Variants in NALF1 observed in about 807,000 individuals in gnomAD.
NALF1 encodes the protein NALCN channel auxiliary factor 1.
In NALF1, 3 loss-of-function variants were observed where a neutral mutation model predicts 48.4. That is an observed-to-expected ratio of 0.06 (90% CI 0.03 to 0.16). NALF1 has a LOEUF of 0.16. NALF1 is among the 10% of genes least tolerant of loss of function. The pLI is 1.00. For missense variants in NALF1, 526 were observed against 571.5 expected (o/e 0.92, Z 0.81); for synonymous variants, 262 against 245.7 (o/e 1.07, Z -0.62).
intron 1 of NALF1, among the ~76,000 whole-genome samples, chr13:107,543,982 T>A (rs1264749625): frequency 2.6e-5 from 4 of 152,072 alleles, no homozygotes; most frequent in African/African-American, 7.2e-5. Flanking sequence ...ATAACCAATT[T>A]TTTAAAAAAT....
rs1377953309 is a variant in NALF1 at position 107,370,462 on chromosome 13, C to T, written c.916-159707G>A. Among the ~76,000 whole-genome samples the T allele has an allele frequency of 3.3e-5, 5 of 152,310 alleles. No homozygotes were observed. In the East Asian group the frequency reaches 7.7e-4, roughly 24 times the overall value. On this transcript the variant is annotated intron_variant, in intron 1 of 2. Coordinates refer to ENST00000375915, the MANE Select transcript of NALF1 (RefSeq NM_001080396.3). ...TAAATCAGTAGACCCTGGACCACTC[C>T]AGAGCCAAAATCTGTCCTGGGTGGT...
chr13:107,266,922 A>G (rs776128355), intron 1 of NALF1, among the ~76,000 whole-genome samples: 55 of 152,154 alleles, frequency 3.6e-4, no homozygotes, highest in Admixed American at 9.8e-4. Flanking sequence ...TGGGATGTAC[A>G]GTACAGCCTG....
intron 1 of NALF1, among the ~76,000 whole-genome samples, chr13:107,439,911 T>C (rs1884528345): frequency 6.6e-6 from 1 of 152,196 alleles, no homozygotes; most frequent in South Asian, 2.1e-4. Context: ...CTTGGCTGCA[T>C]TATTCTTTAA....
At chr13:107,367,566 T>C (rs1346311016) in intron 1 of NALF1, among the ~76,000 whole-genome samples, 1 of 152,164 alleles carries the variant, frequency 6.6e-6, no homozygotes, top group African/African-American at 2.4e-5. Flanking sequence ...TTGCTCCACG[T>C]GGAAGCAGGA....
intron 2 of NALF1, among the ~76,000 whole-genome samples, chr13:107,178,312 G>A (rs902639227): frequency 6.6e-6 from 1 of 152,148 alleles, no homozygotes; most frequent in African/African-American, 2.4e-5. Context: ...CATTTGGAAA[G>A]GGCTTAATAA....
intron 1 of NALF1, among the ~76,000 whole-genome samples, chr13:107,613,651 T>C (rs1163561140): frequency 6.6e-6 from 1 of 152,240 alleles, no homozygotes; most frequent in Non-Finnish European, 1.5e-5. Context: ...CACTACTTTA[T>C]CTGTGTGCCT....
At chr13:107,246,443 CGTAGA>C (rs1880587393) in intron 1 of NALF1, among the ~76,000 whole-genome samples, 1 of 152,098 alleles carries the variant, frequency 6.6e-6, no homozygotes, top group Admixed American at 6.5e-5. Flanking sequence ...TGTTAAGGAA[CGTAGA>C]GTAATTTTAT....
chr13:107,687,573 G>A (rs1036054541), intron 1 of NALF1, among the ~76,000 whole-genome samples: 1 of 151,832 alleles, frequency 6.6e-6, no homozygotes, highest in African/African-American at 2.4e-5. Context: ...GAAGTGTAGG[G>A]AAATTAATTA....
At chr13:107,747,569 A>G (rs1278282350) in intron 1 of NALF1, among the ~76,000 whole-genome samples, 1 of 152,174 alleles carries the variant, frequency 6.6e-6, no homozygotes, top group South Asian at 2.1e-4. Context: ...GTGTAAATCT[A>G]ATGTTTGACA....
chr13:107,627,112 G>A (rs994133412), intron 1 of NALF1, among the ~76,000 whole-genome samples: 1 of 139,258 alleles, frequency 7.2e-6, no homozygotes, highest in Non-Finnish European at 1.6e-5. Context: ...GGGGATTTTT[G>A]TCCCTTGTGG....
chr13:107,834,923 C>A (rs1267653444), intron 1 of NALF1, among the ~76,000 whole-genome samples: 1 of 152,054 alleles, frequency 6.6e-6, no homozygotes. Context: ...GCAAATGGCA[C>A]AGAGGAGGGA....
chr13:107,856,148 C>G (rs1473976276), intron 1 of NALF1, among the ~76,000 whole-genome samples: 1 of 152,176 alleles, frequency 6.6e-6, no homozygotes, highest in Non-Finnish European at 1.5e-5. Context: ...CTCAAGCGAT[C>G]CTCCTGTCTT....
At chr13:107,635,423 C>G (rs1181309674) in intron 1 of NALF1, among the ~76,000 whole-genome samples, 1 of 152,020 alleles carries the variant, frequency 6.6e-6, no homozygotes, top group Non-Finnish European at 1.5e-5. Context: ...ATCATGAGAA[C>G]AGCAACATAG....
intron 1 of NALF1, among the ~76,000 whole-genome samples, chr13:107,284,931 A>T (rs1325146442): frequency 2.0e-5 from 3 of 151,098 alleles, no homozygotes; most frequent in African/African-American, 7.3e-5. Flanking sequence ...TGATAGATTG[A>T]CTTGACTAAT....
chr13:107,453,905 T>C lies in NALF1; in HGVS notation c.916-243150A>G, dbSNP rs75534526. On this transcript the variant is annotated intron_variant, in intron 1 of 2. Coordinates refer to ENST00000375915, the MANE Select transcript of NALF1 (RefSeq NM_001080396.3). ...TTCTCTCACAAGATACCCTAAATCA[T>C]CTTTCTCAAGTTCAAATTTCCTCGG... Among the ~76,000 whole-genome samples, 1,058 of 152,300 alleles carry C rather than the reference T, an allele frequency of 6.9e-3. 36 individuals carry two copies. The East Asian group carries it at 0.11, about 16-fold the overall frequency.
chr13:107,659,816 CTT>C (rs71121542), intron 1 of NALF1, among the ~76,000 whole-genome samples: 63 of 146,018 alleles, frequency 4.3e-4, no homozygotes, highest in South Asian at 1.7e-3. Flanking sequence ...CAAACATTTT[CTT>C]TTTTTTTTTT....
At chr13:107,601,200 A>G (rs1878914917) in intron 1 of NALF1, among the ~76,000 whole-genome samples, 2 of 152,142 alleles carry the variant, frequency 1.3e-5, no homozygotes, top group Non-Finnish European at 1.5e-5. Flanking sequence ...AGAAACCCAC[A>G]AGGAGTCTAA....
rs540284534 is a variant in NALF1, at chr13:107,397,493, AC to A, written c.916-186739del. ...CATGAATTACATATACTATCAACCA[AC>A]AAAAATGATTGGCGGGCACATCTTG... On this transcript the variant is annotated intron_variant, in intron 1 of 2. Transcript: ENST00000375915. Among the ~76,000 whole-genome samples the A allele has an allele frequency of 2.0e-4, 30 of 152,250 alleles. No homozygotes were observed. The South Asian group carries it at 6.0e-3, about 30-fold the overall frequency.
At chr13:107,382,731 T>C (rs1345881045) in intron 1 of NALF1, among the ~76,000 whole-genome samples, 1 of 152,178 alleles carries the variant, frequency 6.6e-6, no homozygotes, top group African/African-American at 2.4e-5. Context: ...GAGTGCTGAT[T>C]GGTCGTTTGG....
Sources: gnomAD v4.1 joint callset for allele counts (sites outside exome capture counted in the v4.1 genomes callset) on GRCh38, gnomAD v4.1.1 for gene constraint, MANE v1.5 for transcripts, NCBI Gene and HGNC (gene_info 2026-07-23, HGNC 2026-07-21) for gene names.